GMEB1: variants seen among roughly 807,000 people sequenced by gnomAD.
GMEB1 encodes glucocorticoid modulatory element-binding protein 1.
In GMEB1, 6 loss-of-function variants were observed where a neutral mutation model predicts 52.4. That is an observed-to-expected ratio of 0.11 (90% CI 0.06 to 0.23). The LOEUF (loss-of-function observed/expected upper bound fraction) is 0.23. Ranked by LOEUF, GMEB1 falls within the 10% of genes least tolerant of loss-of-function variation. The pLI is 1.00. For synonymous variants in GMEB1, 255 were observed against 244.9 expected (o/e 1.04, Z -0.38); for missense variants, 486 against 685.6 (o/e 0.71, Z 3.25).
chr1:28,693,219 A>AT (rs747525434), intron 5 of GMEB1, among the ~76,000 whole-genome samples, 174 bp downstream of exon 5: 4,723 of 140,646 alleles, frequency 0.034, 93 homozygotes, highest in Middle Eastern at 0.077. Flanking sequence ...GACGAGATTG[A>AT]TTTTTTTTTT....
chr1:28,690,153 A>G lies in GMEB1; in HGVS notation c.178A>G (p.Thr60Ala). Reference sequence around the variant, plus strand: ...CAACACGGCAGTTGTAGCAGTAGAAACTCACACGATACACAAAATTGAAGA... The same window carrying G: ...CAACACGGCAGTTGTAGCAGTAGAAGCTCACACGATACACAAAATTGAAGA... ...ENNTAVVAVE[T>A]HTIHKIEEGI... Residue 60 changes from threonine to alanine, a missense_variant, in exon 3 of 10, where the codon ACT (threonine) becomes GCT (alanine). Around this residue, in one of 5 missense-constraint regions of GMEB1, gnomAD observed 88 missense variants for 96.5 expected, o/e 0.91. Coordinates refer to ENST00000373816, the MANE Select transcript of GMEB1 (RefSeq NM_001319674.2). 6.3e-7 allele frequency: 1 copy of G among 1,588,382 alleles called. No homozygotes were observed. Among genetic ancestry groups the G allele is most frequent in the Middle Eastern group, 1.7e-4 (1 of 5,992 alleles).
rs1328804956 is a variant in GMEB1, at chr1:28,715,675, C to T, written c.*902C>T. On this transcript the variant is annotated 3_prime_UTR_variant, in exon 10 of 10. Transcript: ENST00000373816. ...AATCATCTTACTTCCAGAGGTGCAA[C>T]TGACGCCTCTGGAGATCTCCAAAAG... The T allele has an allele frequency of 2.0e-5, 3 of 151,182 alleles. No individual in the cohort carries two copies. Among genetic ancestry groups the T allele is most frequent in the African/African-American group, 7.3e-5 (3 of 41,036 alleles). The allele number at this position is 151,182 out of a possible 1,614,324, so 9.4% of individuals were successfully genotyped here. A position where few individuals can be genotyped will look rare whatever the true frequency, so the allele number is the denominator to read the frequency against.
chr1:28,680,855 C>T (rs1188544604), intron 1 of GMEB1, among the ~76,000 whole-genome samples: 4 of 151,944 alleles, frequency 2.6e-5, no homozygotes, highest in Non-Finnish European at 5.9e-5. Flanking sequence ...ACCAACCTGA[C>T]CAACATGGAG....
intron 6 of GMEB1, among the ~76,000 whole-genome samples, chr1:28,700,718 T>A (rs1384864296): frequency 6.6e-6 from 1 of 151,868 alleles, no homozygotes; most frequent in African/African-American, 2.4e-5. Context: ...TGGTCAGTTC[T>A]AATATTCTGT....
rs1230629964 is a variant in GMEB1 at position 28,680,477 on chromosome 1, C to A, written c.-30-3106C>A. Among the ~76,000 whole-genome samples, 8 of 152,028 alleles carry A rather than the reference C, an allele frequency of 5.3e-5. No individual in the cohort carries two copies. The South Asian group carries it at 1.7e-3, about 32-fold the overall frequency. ...CCTGGCCAGGCGCAGTGGCTCATACCTATAATCCTAGCACTTTGGGAGGCT... is the reference window on the plus strand; with the variant it reads ...CCTGGCCAGGCGCAGTGGCTCATACATATAATCCTAGCACTTTGGGAGGCT... On this transcript the variant is annotated intron_variant, in intron 1 of 9. Transcript: ENST00000373816.
chr1:28,668,907 CCGCGCGGCGGCCGGCGAGGGCGGGCGGG>C (rs1025711163), intron 1 of GMEB1, 68 bp downstream of exon 1: 2 of 143,994 alleles, frequency 1.4e-5, no homozygotes, highest in African/African-American at 5.0e-5. Context: ...GGCGCGGGGG[CCGCGCGGCGGCCGGCGAGGGCGGGCGGG>C]CGCGCAGGGG....
Position 28,688,817 on chromosome 1 carries a change from T to G in GMEB1, c.129-1287T>G, listed in dbSNP as rs554488271. Reference sequence around the variant, plus strand: ...TCAAACTATCTGCTGGTACTACTTTTTAGTCTTTTCAGGGTAATTCCATAA... The same window carrying G: ...TCAAACTATCTGCTGGTACTACTTTGTAGTCTTTTCAGGGTAATTCCATAA... On this transcript the variant is annotated intron_variant, in intron 2 of 9. Coordinates refer to ENST00000373816, the MANE Select transcript of GMEB1 (RefSeq NM_001319674.2). 2.0e-5 allele frequency among the ~76,000 whole-genome samples: 3 copies of G among 152,258 alleles called. No individual in the cohort carries two copies. The South Asian group carries it at 6.2e-4, about 32-fold the overall frequency.
intron 1 of GMEB1, among the ~76,000 whole-genome samples, chr1:28,682,315 C>A (rs1669427243): frequency 6.6e-6 from 1 of 151,902 alleles, no homozygotes; most frequent in Non-Finnish European, 1.5e-5. Context: ...TCCATTCAGT[C>A]TGAGGCAAAG....
In GMEB1 at chr1:28,702,448, G is replaced by A. The variant is rs923879513; in HGVS notation, c.609G>A (p.Thr203=). The change falls in exon 7 of 10, where the codon ACG becomes ACA. Residue 203 remains threonine, a synonymous_variant. Transcript: ENST00000373816. ...CTGGACTGTTTTTAGGTAGCATCACGCAGATTGCCATCTCAGAAGAGAGCA... is the reference window on the plus strand; with the variant it reads ...CTGGACTGTTTTTAGGTAGCATCACACAGATTGCCATCTCAGAAGAGAGCA... ...QTPTSADGSI[T]QIAISEESME... 2.5e-6 allele frequency: 4 copies of A among 1,613,044 alleles called. No individual in the cohort carries two copies. The highest frequency in any genetic ancestry group is 2.2e-5 in the East Asian group (1 of 44,828).
At chr1:28,692,571 A>G (rs971318747) in intron 4 of GMEB1, among the ~76,000 whole-genome samples, 2 of 152,038 alleles carry the variant, frequency 1.3e-5, no homozygotes, top group Non-Finnish European at 2.9e-5. Context: ...CCAAAAAAAT[A>G]CATGATTGAT....
chr1:28,700,404 C>T (rs1323868482), intron 6 of GMEB1, among the ~76,000 whole-genome samples: 2 of 151,502 alleles, frequency 1.3e-5, no homozygotes, highest in African/African-American at 4.9e-5. Flanking sequence ...GTCCCAGCTA[C>T]TCCGGAGGCT....
At chr1:28,687,966 C>T (rs993622038) in intron 2 of GMEB1, among the ~76,000 whole-genome samples, 1 of 151,994 alleles carries the variant, frequency 6.6e-6, no homozygotes, top group African/African-American at 2.4e-5. Flanking sequence ...ATAACGAATT[C>T]GACAAAGTCC....
intron 1 of GMEB1, among the ~76,000 whole-genome samples, chr1:28,672,950 C>T: frequency 6.6e-6 from 1 of 151,860 alleles, no homozygotes. Flanking sequence ...GGCTGGAGTG[C>T]AGTGGCGCGA....
intron 1 of GMEB1, among the ~76,000 whole-genome samples, chr1:28,674,708 C>CTTTTTTT (rs34267851): frequency 2.0e-5 from 1 of 49,118 alleles, no homozygotes; most frequent in Non-Finnish European, 3.6e-5. Flanking sequence ...ATAGTTAATT[C>CTTTTTTT]TTTTTTTTTT....
chr1:28,693,602 G>T (rs12040613), intron 5 of GMEB1, among the ~76,000 whole-genome samples: 4 of 150,396 alleles, frequency 2.7e-5, no homozygotes, highest in East Asian at 2.0e-4. Flanking sequence ...CTGCAACCTC[G>T]GCCTCCCGGG....
chr1:28,715,029 T>C lies in GMEB1; in HGVS notation c.*256T>C. ...CTTACACCAAGAAAGTAATTTCTTT[T>C]AGGGGAAGTGTCAAGATAACAAGTA... On this transcript the variant is annotated 3_prime_UTR_variant, in exon 10 of 10. Coordinates refer to ENST00000373816, the MANE Select transcript of GMEB1 (RefSeq NM_001319674.2). 2.4e-6 allele frequency: 1 copy of C among 419,896 alleles called. No individual in the cohort carries two copies. The highest frequency in any genetic ancestry group is 4.2e-5 in the East Asian group (1 of 23,758). The allele number at this position is 419,896 out of a possible 1,614,324, so 26.0% of individuals were successfully genotyped here.
Position 28,714,323 on chromosome 1 carries a change from G to A in GMEB1, c.1242G>A (p.Val414=), listed in dbSNP as rs754324011. Residue 414 remains valine, a synonymous_variant, in exon 10 of 10, where the codon GTG becomes GTA. Coordinates refer to ENST00000373816, the MANE Select transcript of GMEB1 (RefSeq NM_001319674.2). ...CATTTTCCATGGGCAATATTCCAGT[G>A]GCCACCCTCAGCCAGGGCTCCAGTC... ...GQSFSMGNIP[V]ATLSQGSSPV... 5.0e-6 allele frequency: 8 copies of A among 1,614,164 alleles called. No homozygotes were observed. Among genetic ancestry groups the A allele is most frequent in the East Asian group, 4.5e-5 (2 of 44,886 alleles).
rs542653863 is a variant in GMEB1 at position 28,676,583 on chromosome 1, C to T, written c.-30-7000C>T. 2.6e-5 allele frequency among the ~76,000 whole-genome samples: 4 copies of T among 151,876 alleles called. No homozygotes were observed. In the South Asian group the frequency reaches 8.3e-4, roughly 31 times the overall value. On this transcript the variant is annotated intron_variant, in intron 1 of 9. Coordinates refer to ENST00000373816, the MANE Select transcript of GMEB1 (RefSeq NM_001319674.2). The stretch of plus-strand genomic sequence containing the variant: ...TCTACTAAAAATACAAAAAATTAGG[C>T]GGCATGGTGGCAGGCGCCTGTAGTC...
At chr1:28,682,923 T>G (rs537486713) in intron 1 of GMEB1, among the ~76,000 whole-genome samples, 1 of 152,304 alleles carries the variant, frequency 6.6e-6, no homozygotes. Context: ...CGGGTCTGTT[T>G]ACGCCCAGCA....
Sources: gnomAD v4.1 joint callset for allele counts (sites outside exome capture counted in the v4.1 genomes callset) on GRCh38, gnomAD v4.1.1 for gene constraint, gnomAD v4.1.1 regional missense constraint, MANE v1.5 for transcripts, NCBI Gene and HGNC (gene_info 2026-07-23, HGNC 2026-07-21) for gene names.